The following STX8 variants were observed in gnomAD, a reference collection of about 807,000 sequenced individuals.
The protein encoded by STX8 is syntaxin-8.
STX8 carries 23 observed loss-of-function variants against 37.5 expected under a neutral mutation model. The ratio of observed to expected loss-of-function variants is 0.61; its 90% confidence interval spans 0.44 to 0.87. STX8 has a LOEUF of 0.87. Ranked by LOEUF, STX8 falls within the 40% of genes least tolerant of loss-of-function variation. The probability of loss-of-function intolerance (pLI) is 0.00; values close to 1 mark genes in which losing one functional copy is unlikely to be tolerated. For missense variants in STX8, 313 were observed against 284.7 expected (o/e 1.10, Z -0.71); for synonymous variants, 115 against 99.1 (o/e 1.16, Z -0.95).
chr17:9,376,144 G>C, intron 7 of STX8, among the ~76,000 whole-genome samples: 1 of 152,300 alleles, frequency 6.6e-6, no homozygotes, highest in South Asian at 2.1e-4. Context: ...CTTCTGGGTC[G>C]GGTGGGGACT....
chr17:9,572,539 A>C (rs1000986989), intron 1 of STX8, among the ~76,000 whole-genome samples: 1 of 152,102 alleles, frequency 6.6e-6, no homozygotes, highest in Non-Finnish European at 1.5e-5. Flanking sequence ...CCTCCTGAGT[A>C]GCTGGGATTA....
At chr17:9,532,251 C>G (rs1015860829) in intron 4 of STX8, among the ~76,000 whole-genome samples, 1 of 151,990 alleles carries the variant, frequency 6.6e-6, no homozygotes, top group Non-Finnish European at 1.5e-5. Flanking sequence ...CTAAAAACTT[C>G]GAATAGCTAC....
chr17:9,451,052 C>A (rs972751702), intron 6 of STX8, among the ~76,000 whole-genome samples: 5 of 151,738 alleles, frequency 3.3e-5, no homozygotes, highest in Admixed American at 3.3e-4. Flanking sequence ...TATCTTAAAG[C>A]AATGGTGCTT....
chr17:9,423,332 G>A (rs948029931), intron 6 of STX8, among the ~76,000 whole-genome samples: 4 of 152,076 alleles, frequency 2.6e-5, no homozygotes, highest in African/African-American at 7.2e-5. Flanking sequence ...TTTTGTTGTC[G>A]TTGTTTTTTG....
At chr17:9,343,027 A>G (rs4078755) in intron 7 of STX8, among the ~76,000 whole-genome samples, 2 of 76,906 alleles carry the variant, frequency 2.6e-5, no homozygotes, top group Non-Finnish European at 5.9e-5. Context: ...TCAAAAAAAA[A>G]AAAAAAAAAA....
At chr17:9,269,934 A>T (rs921009960) in intron 7 of STX8, among the ~76,000 whole-genome samples, 1 of 152,136 alleles carries the variant, frequency 6.6e-6, no homozygotes, top group Non-Finnish European at 1.5e-5. Flanking sequence ...TAATCCTAGG[A>T]TTGCTTTTCT....
intron 7 of STX8, among the ~76,000 whole-genome samples, chr17:9,266,667 C>G (rs1274849900): frequency 6.6e-6 from 1 of 152,152 alleles, no homozygotes; most frequent in Non-Finnish European, 1.5e-5. Flanking sequence ...GAGAGCCACT[C>G]TGTCATCCTG....
intron 6 of STX8, among the ~76,000 whole-genome samples, chr17:9,383,282 A>G (rs146624832): frequency 6.6e-6 from 1 of 152,322 alleles, no homozygotes; most frequent in Admixed American, 6.5e-5. Flanking sequence ...GATGCTACTA[A>G]AGCACGACTT....
chr17:9,250,999 T>C (rs994711193), intron 7 of STX8, among the ~76,000 whole-genome samples: 14 of 152,124 alleles, frequency 9.2e-5, no homozygotes, highest in African/African-American at 2.2e-4. Flanking sequence ...AGATTATGCA[T>C]TGATGACGCA....
In STX8 at chr17:9,523,393, T is replaced by TACAC. The variant is rs144505730; in HGVS notation, c.324-18235_324-18232dup. On this transcript the variant is annotated intron_variant, in intron 4 of 7. Coordinates refer to ENST00000306357, the MANE Select transcript of STX8 (RefSeq NM_004853.3). Reference sequence around the variant, plus strand: ...TTAAATATATATGTACATATATATATACACACACACACATATATATATTTA... The same window carrying TACAC: ...TTAAATATATATGTACATATATATATACACACACACACACACATATATATATTTA... 7.2e-3 allele frequency among the ~76,000 whole-genome samples: 1,075 copies of TACAC among 149,630 alleles called. 6 individuals carry two copies. The highest frequency in any genetic ancestry group is 0.012 in the African/African-American group (486 of 40,618).
At chr17:9,368,128 A>G (rs1462534797) in intron 7 of STX8, among the ~76,000 whole-genome samples, 1 of 152,204 alleles carries the variant, frequency 6.6e-6, no homozygotes, top group Non-Finnish European at 1.5e-5. Context: ...GCAAATAAGT[A>G]TTTTTCCCTA....
intron 6 of STX8, among the ~76,000 whole-genome samples, chr17:9,438,555 A>G (rs1263384002): frequency 6.6e-6 from 1 of 152,084 alleles, no homozygotes; most frequent in East Asian, 1.9e-4. Context: ...GGTGGTAAAT[A>G]TTTTAGGTTT....
At chr17:9,418,436 AAG>A (rs1913275640) in intron 6 of STX8, among the ~76,000 whole-genome samples, 1 of 151,800 alleles carries the variant, frequency 6.6e-6, no homozygotes, top group South Asian at 2.1e-4. Flanking sequence ...GAGACAATCT[AAG>A]AGGATTTATT....
chr17:9,304,927 A>ATG (rs71135961), intron 7 of STX8, among the ~76,000 whole-genome samples: 2 of 123,818 alleles, frequency 1.6e-5, no homozygotes, highest in African/African-American at 5.4e-5. Context: ...AAAAAAAAAT[A>ATG]TGTATATATA....
At chr17:9,326,697 C>T (rs922313513) in intron 7 of STX8, among the ~76,000 whole-genome samples, 3 of 152,278 alleles carry the variant, frequency 2.0e-5, no homozygotes, top group African/African-American at 7.2e-5. Context: ...CTTATGCATT[C>T]CAACACAGAA....
chr17:9,309,038 C>G (rs1457422434), intron 7 of STX8, among the ~76,000 whole-genome samples: 3 of 150,944 alleles, frequency 2.0e-5, no homozygotes, highest in African/African-American at 7.3e-5. Context: ...CAATAAGCAG[C>G]TTATTCTTTA....
intron 4 of STX8, among the ~76,000 whole-genome samples, chr17:9,525,262 A>G (rs1026914287): frequency 6.6e-6 from 1 of 152,180 alleles, no homozygotes; most frequent in African/African-American, 2.4e-5. Flanking sequence ...GATTCAAGAA[A>G]GTACGCAAGA....
intron 7 of STX8, 138 bp from the exon 8 acceptor site, chr17:9,250,783 C>T (rs796894283): frequency 2.4e-5 from 22 of 915,102 alleles, no homozygotes; most frequent in African/African-American, 1.0e-4. Flanking sequence ...GAGAGGTGGT[C>T]GGTGGCCTGG....
intron 7 of STX8, among the ~76,000 whole-genome samples, chr17:9,270,682 G>A (rs546662902): frequency 9.9e-5 from 15 of 152,260 alleles, no homozygotes; most frequent in African/African-American, 9.6e-5. Flanking sequence ...AGAAATGAAC[G>A]AATGAAAGCA....
Sources: allele counts gnomAD v4.1 joint callset (sites outside exome capture counted in the v4.1 genomes callset), GRCh38; gene constraint gnomAD v4.1.1; transcripts MANE v1.5; gene names NCBI Gene and HGNC (gene_info 2026-07-23, HGNC 2026-07-21).